The following BPTF variants were observed in gnomAD, a reference collection of about 807,000 sequenced individuals.
The protein encoded by BPTF is nucleosome-remodeling factor subunit BPTF.
Under a neutral mutation model 292.5 loss-of-function variants are expected in BPTF, and 18 were observed. That is an observed-to-expected ratio of 0.06 (90% confidence interval 0.04 to 0.09). The LOEUF (loss-of-function observed/expected upper bound fraction) is 0.09, where lower values mean the gene tolerates loss of function less well. Among genes scored for constraint, BPTF ranks in the 10% least tolerant of loss-of-function variants. The pLI is 1.00. For synonymous variants in BPTF, 1,225 were observed against 1,251.9 expected, an observed-to-expected ratio of 0.98 and a Z score of 0.45; for missense variants, 2,726 against 3,498.7, an observed-to-expected ratio of 0.78 and a Z score of 5.57.
chr17:67,898,633 C>A (rs1329454361), intron 7 of BPTF, among the ~76,000 whole-genome samples: 2 of 149,174 alleles, frequency 1.3e-5, no homozygotes, highest in African/African-American at 4.9e-5. Flanking sequence ...TTTTTTTAAA[C>A]TCTTAGATAA....
At chr17:67,959,406 A>C (rs1292154379) in intron 23 of BPTF, 135 bp from the exon 24 acceptor site, 2 of 612,972 alleles carry the variant, frequency 3.3e-6, no homozygotes, top group Non-Finnish European at 5.2e-6. Flanking sequence ...TCTTGTTTGC[A>C]ACTAACTAAA....
At chr17:67,903,643 C>A in intron 7 of BPTF, 146 bp from the exon 8 acceptor site, 1 of 629,954 alleles carries the variant, frequency 1.6e-6, no homozygotes, top group Non-Finnish European at 2.5e-6. Context: ...AATTGTACAA[C>A]TACAACTAAG....
At chr17:67,935,427 C>CA (rs1568115484) in intron 18 of BPTF, among the ~76,000 whole-genome samples, 1 of 144,694 alleles carries the variant, frequency 6.9e-6, no homozygotes, top group Non-Finnish European at 1.5e-5. Context: ...AACCCTGTCT[C>CA]AAAAAAAGAA....
intron 1 of BPTF, among the ~76,000 whole-genome samples, chr17:67,837,485 G>A (rs1173663415): frequency 6.6e-6 from 1 of 151,336 alleles, no homozygotes; most frequent in Non-Finnish European, 1.5e-5. Context: ...TCAGCTCACT[G>A]CAACCTCCAC....
chr17:67,982,023 A>ATATT (rs2070470295), intron 27 of BPTF: 2 of 135,322 alleles, frequency 1.5e-5, no homozygotes, highest in African/African-American at 7.4e-5. Context: ...ATATATATAT[A>ATATT]TTTAAATATT....
chr17:67,926,316 C>CTTTT lies in BPTF; in HGVS notation c.5751+1750_5751+1753dup, dbSNP rs869295387. ...CACTGCATTTGGCCCTAATATACTA[C>CTTTT]TTTTTTTTTTTTTTTTTTTTTTTTT... is the stretch of plus-strand genomic sequence containing the variant. On this transcript the variant is annotated intron_variant, in intron 15 of 27. Coordinates refer to ENST00000306378, the MANE Select transcript of BPTF (RefSeq NM_182641.4). 3.0e-4 allele frequency among the ~76,000 whole-genome samples: 25 copies of CTTTT among 83,854 alleles called. 3 individuals are homozygous for CTTTT. Among genetic ancestry groups the CTTTT allele is most frequent in the African/African-American group, 1.1e-3 (19 of 17,928 alleles). 55.0% of individuals were successfully genotyped at this position (83,854 alleles called of 152,430 possible). A position where few individuals can be genotyped will look rare whatever the true frequency, so the allele number is the denominator to read the frequency against.
At position 67,945,737 on chromosome 17, in the gene BPTF, C is replaced by T; in HGVS notation, c.7029C>T (p.Val2343=). 6.2e-7 allele frequency: 1 copy of T among 1,614,186 alleles called. No homozygotes were observed. The change falls in exon 21 of 28, where the codon GTC becomes GTT. Residue 2343 remains valine (V), a synonymous_variant. Coordinates refer to ENST00000306378, the MANE Select transcript of BPTF (RefSeq NM_182641.4). ...TCCAAGGACAGTCTCCTGTTCGTGT[C>T]CAAAGTCCATCACAGACTCGAATAC... The part of the protein sequence containing the change: ...SNVQGQSPVR[V]QSPSQTRIRP...
At chr17:67,919,723 G>A (rs961851990) in intron 12 of BPTF, among the ~76,000 whole-genome samples, 1 of 152,166 alleles carries the variant, frequency 6.6e-6, no homozygotes, top group Non-Finnish European at 1.5e-5. Context: ...CTGGAGGCCT[G>A]TGCTTGCTGC....
chr17:67,844,490 G>C (rs574765041), intron 1 of BPTF, among the ~76,000 whole-genome samples: 2 of 150,448 alleles, frequency 1.3e-5, no homozygotes, highest in Non-Finnish European at 3.0e-5. Flanking sequence ...CTCGTGATCC[G>C]CCCGCCTTGG....
chr17:67,931,400 G>A (rs1253257595), intron 17 of BPTF, among the ~76,000 whole-genome samples: 2 of 152,192 alleles, frequency 1.3e-5, no homozygotes, highest in African/African-American at 2.4e-5. Flanking sequence ...TTAAGCCCAG[G>A]AGTGAGCCAG....
chr17:67,983,648 C>T lies in BPTF; in HGVS notation c.*1360C>T, dbSNP rs1243809504. 6.6e-6 allele frequency: 1 copy of T among 152,258 alleles called. No homozygotes were observed. Among genetic ancestry groups the T allele is most frequent in the African/African-American group, 2.4e-5 (1 of 41,104 alleles). The allele number at this position is 152,258 out of a possible 1,614,324, so 9.4% of individuals were successfully genotyped here. A position where few individuals can be genotyped will look rare whatever the true frequency, so the allele number is the denominator to read the frequency against. On this transcript the variant is annotated 3_prime_UTR_variant, in exon 28 of 28. Transcript: ENST00000306378. ...CTTTCAGTGTTCTTACACGTTGTATCACTGCATTGTGGTAATAGCTTCTAT... is the reference window on the plus strand; with the variant it reads ...CTTTCAGTGTTCTTACACGTTGTATTACTGCATTGTGGTAATAGCTTCTAT...
intron 3 of BPTF, among the ~76,000 whole-genome samples, chr17:67,872,305 T>G (rs575036792): frequency 6.8e-4 from 103 of 152,318 alleles, no homozygotes; most frequent in Middle Eastern, 3.4e-3. Context: ...ATTTAAATGG[T>G]CTAAACTTAG....
Position 67,920,001 on chromosome 17 carries a change from T to A in BPTF, c.5429-14T>A, listed in dbSNP as rs1288869384. 1 of 1,601,744 alleles carries A rather than the reference T, an allele frequency of 6.2e-7. No individual in the cohort carries two copies. Among genetic ancestry groups the A allele is most frequent in the Middle Eastern group, 1.7e-4 (1 of 6,014 alleles). ...TCAGTTGGTTATTAATACTATTGAATTAAATCACCATAGAAACATCCGAAA... is the reference window on the plus strand; with the variant it reads ...TCAGTTGGTTATTAATACTATTGAAATAAATCACCATAGAAACATCCGAAA... On this transcript the variant is annotated splice_polypyrimidine_tract_variant and intron_variant, in intron 12 of 27. Transcript: ENST00000306378.
intron 26 of BPTF, among the ~76,000 whole-genome samples, chr17:67,969,888 T>C (rs1469047913): frequency 6.6e-6 from 1 of 152,094 alleles, no homozygotes; most frequent in Non-Finnish European, 1.5e-5. Context: ...ATCGCACCAT[T>C]GCACTCCAGC....
chr17:67,853,810 G>T (rs186986885), intron 1 of BPTF, 130 bp from the exon 2 acceptor site: 222 of 700,584 alleles, frequency 3.2e-4, no homozygotes, highest in Non-Finnish European at 4.8e-4. Flanking sequence ...TTGCTTCTTC[G>T]TATTATTTTA....
At position 67,825,788 on chromosome 17, in the gene BPTF, C is replaced by T; in HGVS notation, c.64C>T (p.Pro22Ser). The change falls in exon 1 of 28, where the codon CCG (proline) becomes TCG (serine). Residue 22 changes from proline to serine, a missense_variant. By Grantham distance (74) the Pro-to-Ser change is moderately conservative. This residue lies in a region of BPTF where 31 missense variants were observed against 53.6 expected (regional missense o/e 0.58). Transcript: ENST00000306378. ...GGCTCCCGCTGCGGAGCGCTGCGCC[C>T]CGGCCCCGCCGCCACCGCCGCCGCC... ...PAAPAAERCAPAPPPPPPPPT... is the reference protein window; with the variant it reads ...PAAPAAERCASAPPPPPPPPT... 13 of 1,037,658 alleles carry T rather than the reference C, an allele frequency of 1.3e-5. No individual in the cohort carries two copies. The South Asian group carries it at 2.2e-4, about 18-fold the overall frequency. The allele number at this position is 1,037,658 out of a possible 1,614,324, so 64.3% of individuals were successfully genotyped here.
chr17:67,838,316 G>A (rs553643648), intron 1 of BPTF, among the ~76,000 whole-genome samples: 1 of 152,280 alleles, frequency 6.6e-6, no homozygotes, highest in East Asian at 1.9e-4. Context: ...AAAAGGCTTT[G>A]AGTTTTACAA....
chr17:67,925,820 C>T (rs2063822877), intron 15 of BPTF, among the ~76,000 whole-genome samples: 1 of 129,948 alleles, frequency 7.7e-6, no homozygotes, highest in Admixed American at 7.5e-5. Context: ...AGGTCCTTAT[C>T]TTCACTTACA....
At position 67,904,845 on chromosome 17, in the gene BPTF, GTAAT is replaced by G; in HGVS notation, c.2812+9_2812+12del. 1 of 1,607,172 alleles carries G rather than the reference GTAAT, an allele frequency of 6.2e-7. No individual in the cohort carries two copies. The highest frequency in any genetic ancestry group is 8.5e-7 in the Non-Finnish European group (1 of 1,175,512). On this transcript the variant is annotated splice_donor_region_variant and intron_variant, in intron 9 of 27. Coordinates refer to ENST00000306378, the MANE Select transcript of BPTF (RefSeq NM_182641.4). The stretch of plus-strand genomic sequence containing the variant: ...ACAGAAAGTCGTTAGAAGGAAGTAA[GTAAT>G]TAAAATTACATGTCCTGCATAATCG...
Sources: gnomAD v4.1 joint callset for allele counts (sites outside exome capture counted in the v4.1 genomes callset) on GRCh38, gnomAD v4.1.1 for gene constraint, gnomAD v4.1.1 regional missense constraint, MANE v1.5 for transcripts, NCBI Gene and HGNC (gene_info 2026-07-23, HGNC 2026-07-21) for gene names.